ERC1: variants seen among roughly 807,000 people sequenced by gnomAD.
The protein encoded by ERC1 is RAB6 interacting protein 2.
ERC1 carries 56 observed loss-of-function variants against 132.0 expected under a neutral mutation model. The ratio of observed to expected loss-of-function variants is 0.42; its 90% confidence interval spans 0.34 to 0.53. ERC1 has a LOEUF of 0.53. Among genes scored for constraint, ERC1 ranks in the 20% least tolerant of loss-of-function variants. The pLI, the probability that ERC1 is intolerant of heterozygous loss-of-function variation, is 0.03. For synonymous variants in ERC1, 478 were observed against 476.1 expected, an observed-to-expected ratio of 1.00 and a Z score of -0.05; for missense variants, 1,202 against 1,349.9, an observed-to-expected ratio of 0.89 and a Z score of 1.72.
intron 2 of ERC1, among the ~76,000 whole-genome samples, chr12:1,066,884 T>G (rs767871460): frequency 6.6e-6 from 1 of 151,638 alleles, no homozygotes; most frequent in African/African-American, 2.4e-5. Flanking sequence ...TACGAACTTA[T>G]GTTTATTTGA....
intron 16 of ERC1, among the ~76,000 whole-genome samples, chr12:1,388,075 G>A (rs1043628368): frequency 3.9e-5 from 6 of 152,108 alleles, no homozygotes; most frequent in African/African-American, 1.4e-4. Context: ...ATAAGAGTTA[G>A]CCTCGGCCGG....
At chr12:1,196,855 TCTCA>T (rs1327967492) in intron 12 of ERC1, among the ~76,000 whole-genome samples, 79 of 135,490 alleles carry the variant, frequency 5.8e-4, no homozygotes, top group Non-Finnish European at 7.7e-4. Context: ...TCTGTCTCTC[TCTCA>T]CTCTCTCTCT....
intron 16 of ERC1, among the ~76,000 whole-genome samples, chr12:1,384,469 C>T (rs1443876772): frequency 6.6e-6 from 1 of 152,092 alleles, no homozygotes; most frequent in East Asian, 1.9e-4. Context: ...TATACATAGA[C>T]AAGATGTATG....
At chr12:1,225,656 G>A (rs907927177) in intron 12 of ERC1, among the ~76,000 whole-genome samples, 9 of 152,202 alleles carry the variant, frequency 5.9e-5, no homozygotes, top group African/African-American at 2.2e-4. Flanking sequence ...GCTGAGGAAT[G>A]AAATTGGCTT....
At chr12:1,021,331 G>C (rs1023598766) in intron 1 of ERC1, among the ~76,000 whole-genome samples, 1 of 152,110 alleles carries the variant, frequency 6.6e-6, no homozygotes, top group African/African-American at 2.4e-5. Context: ...TTTCAGGATT[G>C]TGTTTGCAGC....
At chr12:1,368,910 A>T (rs572041421) in intron 15 of ERC1, among the ~76,000 whole-genome samples, 12 of 152,296 alleles carry the variant, frequency 7.9e-5, no homozygotes, top group African/African-American at 2.9e-4. Flanking sequence ...GCACCTATAC[A>T]TGTAGAAATC....
chr12:1,207,969 C>T (rs1957494062), intron 12 of ERC1, among the ~76,000 whole-genome samples: 1 of 152,090 alleles, frequency 6.6e-6, no homozygotes, highest in Non-Finnish European at 1.5e-5. Flanking sequence ...TACTCTGGCA[C>T]CCACCCCCCC....
At chr12:1,030,989 C>T (rs1967924193) in intron 2 of ERC1, among the ~76,000 whole-genome samples, 1 of 152,200 alleles carries the variant, frequency 6.6e-6, no homozygotes, top group Non-Finnish European at 1.5e-5. Flanking sequence ...GAACATATCT[C>T]TGTCATTAAG....
chr12:1,182,509 A>T (rs963989758), intron 10 of ERC1, among the ~76,000 whole-genome samples: 2 of 152,224 alleles, frequency 1.3e-5, no homozygotes, highest in African/African-American at 2.4e-5. Flanking sequence ...AATATGACCT[A>T]AATAGCAAAG....
At chr12:1,376,913 C>T (rs1386018277) in intron 16 of ERC1, among the ~76,000 whole-genome samples, 3 of 152,156 alleles carry the variant, frequency 2.0e-5, no homozygotes, top group Non-Finnish European at 2.9e-5. Context: ...CATCACCTTT[C>T]GGTACACGCG....
At chr12:1,040,515 C>G (rs1479944928) in intron 2 of ERC1, among the ~76,000 whole-genome samples, 1 of 151,918 alleles carries the variant, frequency 6.6e-6, no homozygotes, top group Non-Finnish European at 1.5e-5. Context: ...ACCGTGTTAG[C>G]CGGGATGGTC....
At position 1,112,227 on chromosome 12, in the gene ERC1, A is replaced by G; in HGVS notation, c.1330A>G (p.Lys444Glu). The G allele has an allele frequency of 6.2e-7, 1 of 1,611,740 alleles. No individual in the cohort carries two copies. The highest frequency in any genetic ancestry group is 1.7e-5 in the Admixed American group (1 of 60,004). Residue 444 changes from lysine (K) to glutamate (E), a missense_variant, in exon 6 of 19, where the codon AAG (lysine) becomes GAG (glutamate). Lys to Glu is a moderately conservative substitution (Grantham distance 56, BLOSUM62 1). Transcript: ENST00000360905. ...AATGTCGTGACAGGTAGAACAACTG[A>G]AGGAGGAACTAAGTTCGAAAGAGGC... ...KFMKNKVEQL[K>E]EELSSKEAQW...
intron 16 of ERC1, among the ~76,000 whole-genome samples, chr12:1,379,718 G>A (rs1025204769): frequency 6.6e-6 from 1 of 152,064 alleles, no homozygotes; most frequent in African/African-American, 2.4e-5. Flanking sequence ...GGACACGAGA[G>A]CCAGCTTCTC....
At chr12:1,418,644 TCTCTCTCTC>T (rs1565396350) in intron 17 of ERC1, among the ~76,000 whole-genome samples, 15 of 121,406 alleles carry the variant, frequency 1.2e-4, no homozygotes, top group African/African-American at 5.1e-4. Flanking sequence ...TCTTTCTTTC[TCTCTCTCTC>T]TCTCTCTCTT....
At chr12:1,360,869 G>A (rs1173596220) in intron 15 of ERC1, among the ~76,000 whole-genome samples, 1 of 152,060 alleles carries the variant, frequency 6.6e-6, no homozygotes, top group Non-Finnish European at 1.5e-5. Flanking sequence ...GATCACTTGA[G>A]CCCAGGAGAG....
intron 16 of ERC1, among the ~76,000 whole-genome samples, chr12:1,396,913 C>G (rs1242731913): frequency 1.3e-5 from 2 of 152,106 alleles, no homozygotes; most frequent in African/African-American, 4.8e-5. Context: ...CTACCAGTGA[C>G]AGATGACAAA....
At chr12:1,367,067 T>A (rs1317554957) in intron 15 of ERC1, among the ~76,000 whole-genome samples, 1 of 152,154 alleles carries the variant, frequency 6.6e-6, no homozygotes, top group Non-Finnish European at 1.5e-5. Flanking sequence ...CAAGGGAAGT[T>A]GAAGAATCTA....
chr12:1,147,684 A>G (rs1307963145), intron 8 of ERC1, among the ~76,000 whole-genome samples: 1 of 152,208 alleles, frequency 6.6e-6, no homozygotes, highest in Admixed American at 6.5e-5. Flanking sequence ...TATTAGTAAA[A>G]TACGAATTTT....
At chr12:1,296,297 C>T (rs951586641) in intron 15 of ERC1, among the ~76,000 whole-genome samples, 12 of 151,342 alleles carry the variant, frequency 7.9e-5, no homozygotes, top group African/African-American at 1.9e-4. Flanking sequence ...CAGCATACTC[C>T]GGCCTGGGCA....
Sources: gnomAD v4.1 joint callset for allele counts (sites outside exome capture counted in the v4.1 genomes callset) on GRCh38, gnomAD v4.1.1 for gene constraint, MANE v1.5 for transcripts, NCBI Gene and HGNC (gene_info 2026-07-23, HGNC 2026-07-21) for gene names.